The following ALDH3A1 variants were observed in gnomAD, a reference collection of about 807,000 sequenced individuals.
The protein encoded by ALDH3A1 is aldehyde dehydrogenase, dimeric NADP-preferring.
A neutral mutation model predicts 49.9 loss-of-function variants in ALDH3A1; 46 were observed. The ratio of observed to expected loss-of-function variants is 0.92; its 90% CI spans 0.73 to 1.18. ALDH3A1 has a LOEUF of 1.18. Among genes scored for constraint, ALDH3A1 ranks in the 50% most tolerant of loss-of-function variants. The pLI is 0.00. For missense variants in ALDH3A1, 592 were observed against 611.8 expected (o/e 0.97, Z 0.34); for synonymous variants, 269 against 253.3 (o/e 1.06, Z -0.59).
At position 19,742,318 on chromosome 17, in the gene ALDH3A1, GCACCC is replaced by G. The variant is rs569205857; in HGVS notation, c.481-111_481-107del. ...CCAAGACCAGCAGCCCCGAAGCTCA[GCACCC>G]CACCTTGGGCGGGGGGTAGCAGTAA... On this transcript the variant is annotated intron_variant, in intron 4 of 10. Transcript: ENST00000225740. 537 of 1,300,132 alleles carry G rather than the reference GCACCC, an allele frequency of 4.1e-4. 6 individuals are homozygous for G. In the East Asian group the frequency reaches 0.013, roughly 31 times the overall value. 80.5% of individuals were successfully genotyped at this position (1,300,132 alleles called of 1,614,324 possible). A position where few individuals can be genotyped will look rare whatever the true frequency, so the allele number is the denominator to read the frequency against.
At position 19,748,172 on chromosome 17, in the gene ALDH3A1, A is replaced by G. The variant is rs1026641965; in HGVS notation, c.-6+87T>C. On this transcript the variant is annotated intron_variant, in intron 1 of 10. Coordinates refer to ENST00000225740, the MANE Select transcript of ALDH3A1 (RefSeq NM_000691.5). The surrounding 1 kb of genome is among the most constrained non-coding windows in gnomAD (Gnocchi z 4.4). ...CAGGGACCCCCTGGAGAGATGATGT[A>G]GGACTCTTGACACTTAGGGCCCCGG... 11 of 367,582 alleles carry G rather than the reference A, an allele frequency of 3.0e-5. No homozygotes were observed. The highest frequency in any genetic ancestry group is 5.5e-5 in the Non-Finnish European group (10 of 182,968). The allele number at this position is 367,582 out of a possible 1,614,324, so 22.8% of individuals were successfully genotyped here.
Position 19,742,156 on chromosome 17 carries a change from C to G in ALDH3A1, c.537G>C (p.Glu179Asp), listed in dbSNP as rs569989170. The change falls in exon 5 of 11, where the codon GAG becomes GAC. Residue 179 changes from glutamate to aspartate, a missense_variant. Glu to Asp is a conservative substitution (Grantham distance 45, BLOSUM62 2). Coordinates refer to ENST00000225740, the MANE Select transcript of ALDH3A1 (RefSeq NM_000691.5). Reference protein sequence around the residue: ...GVPETTELLKERFDHILYTGS... With the variant: ...GVPETTELLKDRFDHILYTGS... ...CCGTGTACAGGATATGGTCGAACCT[C>G]TCCTTGAGCAGCTCCGTGGTCTCAG... 53 of 1,614,086 alleles carry G rather than the reference C, an allele frequency of 3.3e-5. 2 individuals carry two copies. The South Asian group carries it at 5.6e-4, about 17-fold the overall frequency.
At chr17:19,744,913 A>G in intron 2 of ALDH3A1, 55 bp downstream of exon 2, 1 of 385,586 alleles carries the variant, frequency 2.6e-6, no homozygotes, top group Non-Finnish European at 3.5e-6. Flanking sequence ...CCCTCCCCCC[A>G]CGCCCCATCG....
At chr17:19,742,806 T>C (rs2086523173) in intron 3 of ALDH3A1, 176 bp from the exon 4 acceptor site, 3 of 1,534,574 alleles carry the variant, frequency 2.0e-6, no homozygotes, top group South Asian at 1.2e-5. Flanking sequence ...CACGGGCACA[T>C]GACAGAGGGA....
intron 6 of ALDH3A1, 105 bp from the exon 7 acceptor site, chr17:19,740,582 C>T: frequency 7.8e-7 from 1 of 1,279,790 alleles, no homozygotes; most frequent in Non-Finnish European, 1.1e-6. Context: ...TGGTGGGATT[C>T]TGGGTGGAGC....
chr17:19,744,975 A>T lies in ALDH3A1; in HGVS notation c.155T>A (p.Leu52Gln), dbSNP rs1208988933. ...GCCGCCCAGCCTGAGCACCTTGTGCAGGTCTGCGGCCAGCGCGCCCACCAG... is the reference window on the plus strand; with the variant it reads ...GCCGCCCAGCCTGAGCACCTTGTGCTGGTCTGCGGCCAGCGCGCCCACCAG... ...QELVGALAAD[L>Q]HKNEWNAYYE... Residue 52 changes from leucine to glutamine, a missense_variant, in exon 2 of 11, where the codon CTG (leucine) becomes CAG (glutamine). Transcript: ENST00000225740. 2 of 1,384,508 alleles carry T rather than the reference A, an allele frequency of 1.4e-6. No individual in the cohort carries two copies. The highest frequency in any genetic ancestry group is 1.9e-6 in the Non-Finnish European group (2 of 1,056,706). 85.8% of individuals were successfully genotyped at this position (1,384,508 alleles called of 1,614,324 possible).
intron 2 of ALDH3A1, chr17:19,744,530 G>A: frequency 1.0e-6 from 1 of 985,482 alleles, no homozygotes. Context: ...CGAATGCAGA[G>A]GTGTCTGGTC....
Position 19,740,474 on chromosome 17 carries a change from A to G in ALDH3A1, c.811T>C (p.Phe271Leu). ...VEKLKKSLKE[F>L]YGEDAKKSRD... ...GATTTCTTAGCATCTTCCCCGTAGA[A>G]CTCCTGTGGAGAAGAGGTGGGGGCT... Residue 271 changes from phenylalanine to leucine, a missense_variant, in exon 7 of 11, where the codon TTC becomes CTC. By Grantham distance (22) the Phe-to-Leu change is conservative. Coordinates refer to ENST00000225740, the MANE Select transcript of ALDH3A1 (RefSeq NM_000691.5). The G allele has an allele frequency of 6.2e-7, 1 of 1,613,436 alleles. No individual in the cohort carries two copies. The highest frequency in any genetic ancestry group is 8.5e-7 in the Non-Finnish European group (1 of 1,179,904).
chr17:19,738,020 G>T lies in ALDH3A1; in HGVS notation c.*201C>A. ...AGAAAATTGTATTCGTCTCTTTATTGGTCTAGAAAGGGGTGGAGACTTGGA... is the reference window on the plus strand; with the variant it reads ...AGAAAATTGTATTCGTCTCTTTATTTGTCTAGAAAGGGGTGGAGACTTGGA... On this transcript the variant is annotated 3_prime_UTR_variant, in exon 11 of 11. Coordinates refer to ENST00000225740, the MANE Select transcript of ALDH3A1 (RefSeq NM_000691.5). The T allele has an allele frequency of 6.7e-7, 1 of 1,500,106 alleles. No individual in the cohort carries two copies. The highest frequency in any genetic ancestry group is 1.2e-5 in the South Asian group (1 of 80,594). 92.9% of individuals were successfully genotyped at this position (1,500,106 alleles called of 1,614,324 possible). A position where few individuals can be genotyped will look rare whatever the true frequency, so the allele number is the denominator to read the frequency against.
At chr17:19,746,736 C>CGT (rs908264641) in intron 1 of ALDH3A1, among the ~76,000 whole-genome samples, 4 of 150,478 alleles carry the variant, frequency 2.7e-5, no homozygotes, top group East Asian at 2.0e-4. Flanking sequence ...CGCGCGTGTG[C>CGT]GTGTGTGTGT....
chr17:19,739,770 G>A, intron 7 of ALDH3A1, 96 bp from the exon 8 acceptor site: 1 of 1,440,688 alleles, frequency 6.9e-7, no homozygotes. Context: ...CCTTTTCCAG[G>A]CAAACCTGCC....
chr17:19,743,750 GGGGGAATAGAGCC>G lies in ALDH3A1; in HGVS notation c.163-300_163-288del. On this transcript the variant is annotated intron_variant, in intron 2 of 10. Transcript: ENST00000225740. This position sits in a 1 kb window ranked among gnomAD's most constrained non-coding sequence, Gnocchi z 4.4. Reference sequence around the variant, plus strand: ...ATGGGCAACGGAATGGATCCAGGTAGGGGGAATAGAGCCGGGCAGGGGAGAGTAGATTCAGGCA... The same window carrying G: ...ATGGGCAACGGAATGGATCCAGGTAGGGGCAGGGGAGAGTAGATTCAGGCA... 1.0e-6 allele frequency: 1 copy of G among 985,096 alleles called. No homozygotes were observed. 61.0% of individuals were successfully genotyped at this position (985,096 alleles called of 1,614,324 possible).
chr17:19,742,333 C>A, intron 4 of ALDH3A1, 121 bp from the exon 5 acceptor site: 1 of 1,195,006 alleles, frequency 8.4e-7, no homozygotes. Context: ...CCACCTTGGG[C>A]GGGGGGTAGC....
chr17:19,744,935 C>T (rs901659474), intron 2 of ALDH3A1, 33 bp downstream of exon 2: 1 of 1,508,628 alleles, frequency 6.6e-7, no homozygotes, highest in African/African-American at 1.4e-5. Context: ...ATGGCCCCGA[C>T]ACTGGCAGAA....
intron 1 of ALDH3A1, among the ~76,000 whole-genome samples, chr17:19,747,618 G>A (rs973337747): frequency 3.0e-4 from 45 of 152,120 alleles, no homozygotes; most frequent in African/African-American, 1.1e-3. Context: ...ACAGAGATGA[G>A]TGGACACCAT....
chr17:19,743,855 T>C lies in ALDH3A1; in HGVS notation c.163-392A>G, dbSNP rs1485180156. 3.1e-6 allele frequency: 3 copies of C among 980,918 alleles called. No homozygotes were observed. The highest frequency in any genetic ancestry group is 1.8e-5 in the African/African-American group (1 of 55,572). 60.8% of individuals were successfully genotyped at this position (980,918 alleles called of 1,614,324 possible). A position where few individuals can be genotyped will look rare whatever the true frequency, so the allele number is the denominator to read the frequency against. On this transcript the variant is annotated intron_variant, in intron 2 of 10. Transcript: ENST00000225740. The surrounding 1 kb of genome is among the most constrained non-coding windows in gnomAD (Gnocchi z 4.4). ...GGGGATAGATTCGGGCACTGGGAGC[T>C]GGATCCGGGCAGGGTGGAGGGAGCC...
chr17:19,742,916 C>A, intron 3 of ALDH3A1: 1 of 1,526,248 alleles, frequency 6.6e-7, no homozygotes, highest in African/African-American at 1.4e-5. Context: ...TCTGGGGGCC[C>A]GGTTGGTAGA....
intron 1 of ALDH3A1, among the ~76,000 whole-genome samples, chr17:19,746,996 C>T (rs974263602): frequency 6.6e-6 from 1 of 152,160 alleles, no homozygotes; most frequent in Admixed American, 6.5e-5. Context: ...GCTCCATCAG[C>T]TGTCAGGTGC....
chr17:19,740,130 T>A, intron 7 of ALDH3A1: 1 of 588,740 alleles, frequency 1.7e-6, no homozygotes, highest in Non-Finnish European at 2.9e-6. Context: ...TCTGGGCCTT[T>A]GCTGGGAGAG....
Sources: allele counts gnomAD v4.1 joint callset (sites outside exome capture counted in the v4.1 genomes callset), GRCh38; gene constraint gnomAD v4.1.1; non-coding constraint Gnocchi (gnomAD v3.1); transcripts MANE v1.5; gene names NCBI Gene and HGNC (gene_info 2026-07-23, HGNC 2026-07-21).